CTNNA2: variants seen among roughly 807,000 people sequenced by gnomAD.
CTNNA2 encodes catenin alpha 2.
A neutral mutation model predicts 101.0 loss-of-function variants in CTNNA2; 42 were observed. That is an observed-to-expected ratio of 0.42 (90% CI 0.32 to 0.54). CTNNA2 has a LOEUF of 0.54. Among genes scored for constraint, CTNNA2 ranks in the 20% least tolerant of loss-of-function variants. The pLI is 0.14. For missense variants in CTNNA2, 871 were observed against 1,223.1 expected, an observed-to-expected ratio of 0.71 and a Z score of 4.29; for synonymous variants, 450 against 456.4, an observed-to-expected ratio of 0.99 and a Z score of 0.18.
intron 8 of CTNNA2, among the ~76,000 whole-genome samples, chr2:80,406,826 CAAAAAAA>C (rs56793591): frequency 1.7e-4 from 11 of 63,982 alleles, no homozygotes; most frequent in African/African-American, 3.8e-4. Flanking sequence ...GACTCCATCT[CAAAAAAA>C]AAAAAAAAAA....
chr2:79,712,945 G>C (rs7571618), intron 2 of CTNNA2, among the ~76,000 whole-genome samples: 39,658 of 152,050 alleles, frequency 0.26, 7,187 homozygotes, highest in African/African-American at 0.52. Context: ...TCTAGAAACT[G>C]GGATTGGTAT....
intron 3 of CTNNA2, among the ~76,000 whole-genome samples, chr2:79,850,989 G>T (rs1241862242): frequency 6.6e-6 from 1 of 152,196 alleles, no homozygotes; most frequent in African/African-American, 2.4e-5. Context: ...CATCCCAGAA[G>T]AAGACATTCC....
At chr2:79,555,087 T>G in intron 1 of CTNNA2, among the ~76,000 whole-genome samples, 1 of 152,224 alleles carries the variant, frequency 6.6e-6, no homozygotes, top group Non-Finnish European at 1.5e-5. Flanking sequence ...GTCAAGAGTC[T>G]AGCACTCTTT....
intron 8 of CTNNA2, among the ~76,000 whole-genome samples, chr2:80,412,801 G>T (rs1679704236): frequency 6.6e-6 from 1 of 152,012 alleles, no homozygotes; most frequent in Non-Finnish European, 1.5e-5. Context: ...ATGGTCAATA[G>T]GTTCGTCACC....
At chr2:79,682,877 C>A (rs1362659895) in intron 2 of CTNNA2, among the ~76,000 whole-genome samples, 6 of 152,156 alleles carry the variant, frequency 3.9e-5, no homozygotes, top group South Asian at 2.1e-4. Flanking sequence ...GTTGTGGGTT[C>A]ACTAGCAAGA....
At chr2:79,458,553 T>C (rs1195557141) in intron 4 of CTNNA2, among the ~76,000 whole-genome samples, 1 of 152,172 alleles carries the variant, frequency 6.6e-6, no homozygotes, top group African/African-American at 2.4e-5. Context: ...GGATTGTTAA[T>C]GATGTGGTTT....
intron 2 of CTNNA2, among the ~76,000 whole-genome samples, chr2:79,712,781 A>G (rs1220149390): frequency 3.9e-5 from 6 of 152,228 alleles, no homozygotes; most frequent in Non-Finnish European, 8.8e-5. Context: ...TACTATTGGC[A>G]TGTATAATTG....
intron 11 of CTNNA2, among the ~76,000 whole-genome samples, chr2:80,550,868 G>A (rs762392930): frequency 6.6e-5 from 10 of 152,190 alleles, no homozygotes; most frequent in Middle Eastern, 3.4e-3. Flanking sequence ...GACTTTCTCC[G>A]GTGAATCAAT....
intron 15 of CTNNA2, among the ~76,000 whole-genome samples, chr2:80,594,564 C>T (rs1360284857): frequency 6.6e-6 from 1 of 151,708 alleles, no homozygotes; most frequent in Non-Finnish European, 1.5e-5. Flanking sequence ...GTGTCATATG[C>T]AAGAAATTAT....
At chr2:79,955,446 A>G (rs1421128496) in intron 7 of CTNNA2, among the ~76,000 whole-genome samples, 2 of 152,184 alleles carry the variant, frequency 1.3e-5, no homozygotes, top group East Asian at 3.9e-4. Context: ...TCCACAGGTC[A>G]GAGTGTAGAG....
intron 7 of CTNNA2, among the ~76,000 whole-genome samples, chr2:79,932,227 C>T (rs1051618857): frequency 6.6e-6 from 1 of 152,094 alleles, no homozygotes; most frequent in Non-Finnish European, 1.5e-5. Context: ...CTCCAGAGCC[C>T]TCCCTTTCTC....
chr2:79,729,128 A>C (rs1322854159), intron 2 of CTNNA2, among the ~76,000 whole-genome samples: 3 of 152,190 alleles, frequency 2.0e-5, no homozygotes, highest in Non-Finnish European at 4.4e-5. Flanking sequence ...GCTGACAAAA[A>C]TGAAGCCCAA....
At chr2:79,294,301 G>A (rs1414763444) in intron 2 of CTNNA2, among the ~76,000 whole-genome samples, 1 of 152,014 alleles carries the variant, frequency 6.6e-6, no homozygotes, top group Non-Finnish European at 1.5e-5. Context: ...GAAAGAGAGA[G>A]AGAGGGTGCT....
chr2:79,309,610 A>G (rs1310639922), intron 2 of CTNNA2, among the ~76,000 whole-genome samples: 1 of 135,090 alleles, frequency 7.4e-6, no homozygotes, highest in Non-Finnish European at 1.6e-5. Flanking sequence ...ACTTCAGGCT[A>G]CCATATTTGT....
At chr2:79,822,346 T>G (rs1185261548) in intron 3 of CTNNA2, among the ~76,000 whole-genome samples, 1 of 152,198 alleles carries the variant, frequency 6.6e-6, no homozygotes, top group Non-Finnish European at 1.5e-5. Flanking sequence ...TGCTGCCAAG[T>G]TAGTCCAGTG....
At chr2:79,482,717 A>G (rs889907435) in intron 4 of CTNNA2, among the ~76,000 whole-genome samples, 4 of 152,210 alleles carry the variant, frequency 2.6e-5, no homozygotes. Context: ...AGTCAGGGCA[A>G]AATAATTCAT....
intron 3 of CTNNA2, chr2:79,339,502 G>A (rs914349770): frequency 6.6e-6 from 1 of 152,158 alleles, no homozygotes; most frequent in South Asian, 2.1e-4. Context: ...AAAATAGTGA[G>A]TCTTTATATT....
At chr2:80,168,654 C>T (rs899219631) in intron 7 of CTNNA2, among the ~76,000 whole-genome samples, 1 of 152,080 alleles carries the variant, frequency 6.6e-6, no homozygotes, top group Non-Finnish European at 1.5e-5. Flanking sequence ...TAGTAGTATC[C>T]AATCTTGGTT....
chr2:79,723,332 G>T (rs767379402), intron 2 of CTNNA2, among the ~76,000 whole-genome samples: 11 of 152,156 alleles, frequency 7.2e-5, no homozygotes, highest in Non-Finnish European at 1.5e-4. Flanking sequence ...CAGTTGCATT[G>T]TTTATGAAGA....
Sources: allele counts gnomAD v4.1 joint callset (sites outside exome capture counted in the v4.1 genomes callset), GRCh38; gene constraint gnomAD v4.1.1; transcripts MANE v1.5; gene names NCBI Gene and HGNC (gene_info 2026-07-23, HGNC 2026-07-21).